Variants in ALCAM observed in about 807,000 individuals in gnomAD.
ALCAM encodes CD166 antigen.
A neutral mutation model predicts 70.9 loss-of-function variants in ALCAM; 30 were observed. That is an observed-to-expected ratio of 0.42 (90% CI 0.32 to 0.57). The LOEUF (loss-of-function observed/expected upper bound fraction) is 0.57, where lower values mean the gene tolerates loss of function less well. ALCAM is among the 20% of genes least tolerant of loss of function. The pLI is 0.11. For synonymous variants in ALCAM, 249 were observed against 242.5 expected, an observed-to-expected ratio of 1.03 and a Z score of -0.25; for missense variants, 591 against 695.1, an observed-to-expected ratio of 0.85 and a Z score of 1.68.
chr3:105,465,699 C>A (rs967900252), intron 1 of ALCAM, among the ~76,000 whole-genome samples: 1 of 151,342 alleles, frequency 6.6e-6, no homozygotes. Context: ...TCTCCTCCTA[C>A]TGGTTTTTTT....
intron 1 of ALCAM, among the ~76,000 whole-genome samples, chr3:105,452,966 A>G (rs1444869029): frequency 1.3e-5 from 2 of 151,960 alleles, no homozygotes; most frequent in Non-Finnish European, 2.9e-5. Context: ...CAGATTCTGG[A>G]TATTAGACCT....
chr3:105,537,006 C>T (rs918821554), intron 6 of ALCAM, among the ~76,000 whole-genome samples: 1 of 151,972 alleles, frequency 6.6e-6, no homozygotes, highest in Non-Finnish European at 1.5e-5. Flanking sequence ...CTGAGGACTA[C>T]GAGTGGAGAA....
chr3:105,436,017 G>A (rs1021613639), intron 1 of ALCAM, among the ~76,000 whole-genome samples: 3 of 152,104 alleles, frequency 2.0e-5, no homozygotes, highest in South Asian at 2.1e-4. Flanking sequence ...CATGGATGGC[G>A]GCAGGCAAAG....
At chr3:105,461,457 T>C (rs1264265960) in intron 1 of ALCAM, among the ~76,000 whole-genome samples, 1 of 151,596 alleles carries the variant, frequency 6.6e-6, no homozygotes, top group Admixed American at 6.6e-5. Flanking sequence ...AATTGAAGAG[T>C]GGTCTAAGCC....
rs560398775 is a variant in ALCAM, at chr3:105,454,729, C to T, written c.74-65338C>T. On this transcript the variant is annotated intron_variant, in intron 1 of 15. Coordinates refer to ENST00000306107, the MANE Select transcript of ALCAM (RefSeq NM_001627.4). ...CTGTCCCCAGGCTGGAGTGCAGTGG[C>T]GCGATCTCCGATCACTGCAACCTCT... Among the ~76,000 whole-genome samples, 9 of 121,940 alleles carry T rather than the reference C, an allele frequency of 7.4e-5. No homozygotes were observed. The South Asian group carries it at 8.4e-4, about 11-fold the overall frequency. 80.0% of individuals were successfully genotyped at this position (121,940 alleles called of 152,430 possible). A position where few individuals can be genotyped will look rare whatever the true frequency, so the allele number is the denominator to read the frequency against.
Position 105,503,654 on chromosome 3 carries a change from T to C in ALCAM, c.74-16413T>C, listed in dbSNP as rs1256937668. On this transcript the variant is annotated intron_variant, in intron 1 of 15. Transcript: ENST00000306107. ...ATCCTTAAAATGAACCAAAAATCCT[T>C]TTGTTGACTCCACATTCTTTACAGA... is the stretch of plus-strand genomic sequence containing the variant. Among the ~76,000 whole-genome samples, 5 of 152,290 alleles carry C rather than the reference T, an allele frequency of 3.3e-5. No individual in the cohort carries two copies. The East Asian group carries it at 9.6e-4, about 29-fold the overall frequency.
At chr3:105,376,294 T>G in intron 1 of ALCAM, among the ~76,000 whole-genome samples, 1 of 152,204 alleles carries the variant, frequency 6.6e-6, no homozygotes, top group East Asian at 1.9e-4. Flanking sequence ...TTTAAGAGAT[T>G]ACCTAAAATC....
At chr3:105,538,964 C>A (rs1160876379) in intron 6 of ALCAM, among the ~76,000 whole-genome samples, 2 of 151,978 alleles carry the variant, frequency 1.3e-5, no homozygotes, top group Non-Finnish European at 2.9e-5. Context: ...AAATAAATGA[C>A]CGCAAGAGAT....
intron 1 of ALCAM, among the ~76,000 whole-genome samples, chr3:105,477,843 C>T (rs1053914380): frequency 6.6e-6 from 1 of 151,856 alleles, no homozygotes; most frequent in Non-Finnish European, 1.5e-5. Flanking sequence ...TCATTTTATT[C>T]TGCTATTAAG....
intron 14 of ALCAM, among the ~76,000 whole-genome samples, chr3:105,571,014 T>G (rs1940850130): frequency 6.6e-6 from 1 of 152,176 alleles, no homozygotes; most frequent in African/African-American, 2.4e-5. Context: ...TGCTTTCTCC[T>G]AGTTAGCCAC....
intron 1 of ALCAM, among the ~76,000 whole-genome samples, chr3:105,372,671 T>C (rs1245771283): frequency 6.6e-6 from 1 of 152,156 alleles, no homozygotes; most frequent in Admixed American, 6.5e-5. Context: ...TAAGAATTCA[T>C]AGTACTTCAA....
At chr3:105,465,001 T>C (rs1407162117) in intron 1 of ALCAM, among the ~76,000 whole-genome samples, 1 of 151,424 alleles carries the variant, frequency 6.6e-6, no homozygotes, top group Admixed American at 6.6e-5. Context: ...ATAAATTGGC[T>C]TTGTCTGAAT....
At chr3:105,415,627 C>A (rs1023078347) in intron 1 of ALCAM, among the ~76,000 whole-genome samples, 1 of 151,966 alleles carries the variant, frequency 6.6e-6, no homozygotes, top group Non-Finnish European at 1.5e-5. Flanking sequence ...TTTTTTGAAT[C>A]GATAACCTTT....
chr3:105,492,217 G>GA (rs1938607291), intron 1 of ALCAM, among the ~76,000 whole-genome samples: 2 of 152,122 alleles, frequency 1.3e-5, no homozygotes, highest in South Asian at 4.1e-4. Flanking sequence ...ACTATCACAA[G>GA]AACAGCAGTA....
At chr3:105,426,188 C>T (rs1214354809) in intron 1 of ALCAM, among the ~76,000 whole-genome samples, 1 of 151,722 alleles carries the variant, frequency 6.6e-6, no homozygotes, top group Admixed American at 6.6e-5. Flanking sequence ...GCTCTCTGGG[C>T]CTTAGTGTTC....
In ALCAM at chr3:105,559,095, AG is replaced by A. The variant is rs1467686086; in HGVS notation, c.1664+6511del. 3.3e-5 allele frequency among the ~76,000 whole-genome samples: 5 copies of A among 151,712 alleles called. No individual in the cohort carries two copies. In the East Asian group the frequency reaches 9.7e-4, roughly 29 times the overall value. ...TTTCTCTCATTTAAGGTTATTAAAA[AG>A]AGGCACCGATGAGGAAAATTTAAAA... On this transcript the variant is annotated intron_variant, in intron 14 of 15. Transcript: ENST00000306107.
At chr3:105,534,179 CTGTAAATACAAAAGAAGCTTCT>C (rs1452230805) in intron 5 of ALCAM, among the ~76,000 whole-genome samples, 2 of 152,122 alleles carry the variant, frequency 1.3e-5, no homozygotes, top group Non-Finnish European at 2.9e-5. Flanking sequence ...TGGGGAGTGG[CTGTAAATACAAAAGAAGCTTCT>C]TGTGGTTGCC....
At chr3:105,512,649 G>A (rs1294043106) in intron 1 of ALCAM, among the ~76,000 whole-genome samples, 1 of 151,826 alleles carries the variant, frequency 6.6e-6, no homozygotes, top group Non-Finnish European at 1.5e-5. Context: ...CCCAAATGAA[G>A]TCAACAGGAT....
At chr3:105,440,330 T>C (rs547616374) in intron 1 of ALCAM, among the ~76,000 whole-genome samples, 1 of 152,292 alleles carries the variant, frequency 6.6e-6, no homozygotes, top group South Asian at 2.1e-4. Context: ...GGTTGCACAA[T>C]TCTAATGTCA....
Sources: gnomAD v4.1 joint callset for allele counts (sites outside exome capture counted in the v4.1 genomes callset) on GRCh38, gnomAD v4.1.1 for gene constraint, MANE v1.5 for transcripts, NCBI Gene and HGNC (gene_info 2026-07-23, HGNC 2026-07-21) for gene names.